ZFHX3: variants seen among roughly 807,000 people sequenced by gnomAD.
ZFHX3 encodes zinc finger homeobox 3.
Under a neutral mutation model 279.1 loss-of-function variants are expected in ZFHX3, and 42 were observed. The observed-to-expected ratio is 0.15, with a 90% CI of 0.12 to 0.19. The LOEUF (loss-of-function observed/expected upper bound fraction) is 0.19. Ranked by LOEUF, ZFHX3 falls within the 10% of genes least tolerant of loss-of-function variation. ZFHX3 has a pLI of 1.00. For missense variants in ZFHX3, 4,981 were observed against 4,754.0 expected, an observed-to-expected ratio of 1.05 and a Z score of -1.40; for synonymous variants, 2,293 against 1,957.8, an observed-to-expected ratio of 1.17 and a Z score of -4.52.
intron 1 of ZFHX3, among the ~76,000 whole-genome samples, chr16:73,040,027 G>A (rs1485572661): frequency 6.6e-6 from 1 of 152,206 alleles, no homozygotes; most frequent in Admixed American, 6.5e-5. Flanking sequence ...GGTTGATTAT[G>A]TCTGGGCAGC....
rs576474143 is a variant in ZFHX3 at position 73,146,377 on chromosome 16, G to A, written c.-1103-2546C>T. ...CGGGAGGCGGAGGTTGCAGTGAGCC[G>A]AGATCGAGCCACTGCACTCCAGCCT... On this transcript the variant is annotated intron_variant, in intron 5 of 17. Coordinates refer to the ZFHX3 transcript ENST00000641206. Among the ~76,000 whole-genome samples the A allele has an allele frequency of 1.4e-4, 21 of 151,790 alleles. No individual in the cohort carries two copies. In the East Asian group the frequency reaches 3.7e-3, roughly 27 times the overall value.
intron 5 of ZFHX3, among the ~76,000 whole-genome samples, chr16:73,216,991 T>C (rs577074035): frequency 3.9e-5 from 6 of 152,308 alleles, no homozygotes; most frequent in African/African-American, 1.4e-4. Flanking sequence ...CCCTTAGGAT[T>C]TCAGCCTGAT....
At chr16:73,525,294 T>C (rs2019672707) in intron 2 of ZFHX3, among the ~76,000 whole-genome samples, 1 of 152,164 alleles carries the variant, frequency 6.6e-6, no homozygotes, top group African/African-American at 2.4e-5. Flanking sequence ...CGCCACTGTA[T>C]TTATAAAGCT....
chr16:72,907,388 AG>A lies in ZFHX3; in HGVS notation c.3217-17427del, dbSNP rs1370177963. Among the ~76,000 whole-genome samples the A allele has an allele frequency of 3.9e-5, 6 of 151,960 alleles. No homozygotes were observed. In the East Asian group the frequency reaches 1.2e-3, roughly 29 times the overall value. ...CACGCTCTAATCTCTCCCCAAAATG[AG>A]TGTTCATCAATCACCTCTAAAAATT... On this transcript the variant is annotated intron_variant, in intron 3 of 9. Coordinates refer to ENST00000268489, the MANE Select transcript of ZFHX3 (RefSeq NM_006885.4).
chr16:73,143,930 C>G (rs1966854151), intron 5 of ZFHX3: 1 of 424,264 alleles, frequency 2.4e-6, no homozygotes, highest in South Asian at 2.0e-5. Context: ...TTGCTTTTCA[C>G]TTATTTTTCT....
intron 4 of ZFHX3, among the ~76,000 whole-genome samples, chr16:72,832,037 G>A (rs1597287483): frequency 6.6e-6 from 1 of 152,112 alleles, no homozygotes; most frequent in East Asian, 1.9e-4. Flanking sequence ...GCATACATAT[G>A]ACCACCTTAG....
intron 4 of ZFHX3, among the ~76,000 whole-genome samples, chr16:73,268,656 T>G (rs1177268812): frequency 1.3e-5 from 2 of 152,214 alleles, no homozygotes; most frequent in Admixed American, 6.5e-5. Context: ...CGCCAAGAAT[T>G]ACAGCTAATC....
rs1428526181 is a variant in ZFHX3 at position 72,874,484 on chromosome 16, G to A, written c.3448+15247C>T. Among the ~76,000 whole-genome samples, 5 of 151,244 alleles carry A rather than the reference G, an allele frequency of 3.3e-5. No individual in the cohort carries two copies. The East Asian group carries it at 9.8e-4, about 30-fold the overall frequency. On this transcript the variant is annotated intron_variant, in intron 4 of 9. Coordinates refer to ENST00000268489, the MANE Select transcript of ZFHX3 (RefSeq NM_006885.4). ...CCCAAAGTGCTGAGATTGTAGGCGTGAGCCACCGCGCCTGGCCTGGAGGAG... is the reference window on the plus strand; with the variant it reads ...CCCAAAGTGCTGAGATTGTAGGCGTAAGCCACCGCGCCTGGCCTGGAGGAG...
chr16:73,184,246 G>A (rs1049483986), intron 5 of ZFHX3, among the ~76,000 whole-genome samples: 4 of 152,140 alleles, frequency 2.6e-5, no homozygotes, highest in Non-Finnish European at 5.9e-5. Context: ...TGATGGATGC[G>A]TCCAGGCAGG....
At position 73,431,503 on chromosome 16, in the gene ZFHX3, T is replaced by C. The variant is rs113218944; in HGVS notation, c.-1291+24500A>G. On this transcript the variant is annotated intron_variant, in intron 3 of 17. Transcript: ENST00000641206. The stretch of plus-strand genomic sequence containing the variant: ...TTGCAGTGCGCCAAGATCACACCAC[T>C]GCATTCCAGCCTGGGTGACAGAGGG... Among the ~76,000 whole-genome samples, 255 of 152,288 alleles carry C rather than the reference T, an allele frequency of 1.7e-3. 1 individual carries two copies. The highest frequency in any genetic ancestry group is 5.8e-3 in the African/African-American group (241 of 41,566).
chr16:73,702,496 C>G lies in ZFHX3; in HGVS notation c.-1607-22256G>C, dbSNP rs564789071. On this transcript the variant is annotated intron_variant, in intron 1 of 17. Transcript: ENST00000641206. ...CCCTGTAGGTTTGTGGAACCTTCCT[C>G]GAAACTGACATACTCTTTAAGCCCA... Among the ~76,000 whole-genome samples, 11 of 152,194 alleles carry G rather than the reference C, an allele frequency of 7.2e-5. 1 individual carries two copies. The highest frequency in any genetic ancestry group is 2.4e-4 in the African/African-American group (10 of 41,530).
At position 73,074,461 on chromosome 16, in the gene ZFHX3, G is replaced by A. The variant is rs187842624; in HGVS notation, c.-532-15449C>T. Among the ~76,000 whole-genome samples, 7 of 152,290 alleles carry A rather than the reference G, an allele frequency of 4.6e-5. No homozygotes were observed. In the East Asian group the frequency reaches 1.4e-3, roughly 29 times the overall value. ...TTTGTATTCATGTTACGGATGACCC[G>A]CTTGCTTCCCCAAGGATAGGCACCA... is the stretch of plus-strand genomic sequence containing the variant. On this transcript the variant is annotated intron_variant, in intron 8 of 17. Coordinates refer to the ZFHX3 transcript ENST00000641206.
chr16:73,755,921 G>T (rs1200146219), intron 1 of ZFHX3, among the ~76,000 whole-genome samples: 1 of 152,166 alleles, frequency 6.6e-6, no homozygotes, highest in Non-Finnish European at 1.5e-5. Context: ...CCTCTCCCAC[G>T]GCCGGGTGAC....
intron 1 of ZFHX3, among the ~76,000 whole-genome samples, chr16:73,022,059 C>T (rs901866596): frequency 2.6e-5 from 4 of 152,070 alleles, no homozygotes; most frequent in African/African-American, 7.2e-5. Flanking sequence ...GCCCTCGTCC[C>T]GCCTCCTCTC....
intron 3 of ZFHX3, among the ~76,000 whole-genome samples, chr16:72,898,427 T>C (rs2038950738): frequency 1.3e-5 from 2 of 152,206 alleles, no homozygotes; most frequent in African/African-American, 2.4e-5. Context: ...CGTTCCTCTA[T>C]CTTTTCCCTT....
At chr16:73,219,851 C>A (rs936083356) in intron 5 of ZFHX3, among the ~76,000 whole-genome samples, 2 of 152,096 alleles carry the variant, frequency 1.3e-5, no homozygotes, top group African/African-American at 4.8e-5. Flanking sequence ...TTTGGGAAGC[C>A]AAAGTGGGCA....
chr16:73,718,615 T>A (rs60890842), intron 1 of ZFHX3, among the ~76,000 whole-genome samples: 11,661 of 50,328 alleles, frequency 0.23, 726 homozygotes, highest in Non-Finnish European at 0.26. Context: ...TTATTTATTA[T>A]TTATTTATTT....
chr16:72,898,746 C>CA (rs34647860), intron 3 of ZFHX3, among the ~76,000 whole-genome samples: 43,658 of 128,042 alleles, frequency 0.34, 7,669 homozygotes, highest in African/African-American at 0.47. Context: ...AACCCTGTCT[C>CA]AAAAAAAAAA....
At chr16:73,323,996 T>C (rs1236378078) in intron 3 of ZFHX3, among the ~76,000 whole-genome samples, 1 of 152,226 alleles carries the variant, frequency 6.6e-6, no homozygotes, top group East Asian at 1.9e-4. Flanking sequence ...TAACACCTCC[T>C]GGCAGAGGCC....
Sources: allele counts gnomAD v4.1 joint callset (sites outside exome capture counted in the v4.1 genomes callset), GRCh38; gene constraint gnomAD v4.1.1; transcripts MANE v1.5; gene names NCBI Gene and HGNC (gene_info 2026-07-23, HGNC 2026-07-21).